The following MCEE variants were observed in gnomAD, a reference collection of about 807,000 sequenced individuals.
The protein encoded by MCEE is methylmalonyl-CoA epimerase.
In MCEE, 6 loss-of-function variants were observed where a neutral mutation model predicts 12.9. That is an observed-to-expected ratio of 0.47 (90% CI 0.26 to 0.92). MCEE has a LOEUF of 0.92. MCEE is among the 40% of genes least tolerant of loss of function. MCEE has a pLI of 0.16. For synonymous variants in MCEE, 78 were observed against 77.9 expected (o/e 1.00, Z -0.01); for missense variants, 214 against 212.1 (o/e 1.01, Z -0.05).
chr2:71,124,059 C>G (rs1011649567), intron 2 of MCEE, 147 bp downstream of exon 2: 4 of 636,204 alleles, frequency 6.3e-6, no homozygotes, highest in Non-Finnish European at 1.1e-5. Flanking sequence ...TGTAAGGATC[C>G]ACCTTTGAGG....
At chr2:71,117,656 C>T (rs1673020226) in intron 2 of MCEE, 2 of 150,222 alleles carry the variant, frequency 1.3e-5, no homozygotes, top group African/African-American at 5.0e-5. Context: ...GAAAATAAAA[C>T]TGCTATAATT....
intron 2 of MCEE, among the ~76,000 whole-genome samples, chr2:71,113,543 A>G (rs1418931489): frequency 6.6e-6 from 1 of 152,212 alleles, no homozygotes; most frequent in Non-Finnish European, 1.5e-5. Context: ...TGCCAGAAAA[A>G]GAAAGGAAGT....
rs1253978660 is a variant in MCEE at position 71,124,234 on chromosome 2, G to A, written c.350C>T (p.Ala117Val). The stretch of plus-strand genomic sequence containing the variant: ...GATGCAGATGTGATGCATTCCTCCA[G>A]CCTTGTTTTTCTGCAGAAAACCTGC... ...PIAGFLQKNK[A>V]GGMHHICIEV... The change falls in exon 2 of 3, where the codon GCT becomes GTT. Residue 117 changes from alanine (A) to valine (V), a missense_variant. Ala to Val is a moderately conservative substitution (Grantham distance 64). Coordinates refer to ENST00000244217, the MANE Select transcript of MCEE (RefSeq NM_032601.4). 6.2e-7 allele frequency: 1 copy of A among 1,613,738 alleles called. No homozygotes were observed. Among genetic ancestry groups the A allele is most frequent in the Non-Finnish European group, 8.5e-7 (1 of 1,179,678 alleles).
intron 2 of MCEE, among the ~76,000 whole-genome samples, chr2:71,121,599 C>T (rs1212815929): frequency 2.0e-5 from 3 of 152,120 alleles, no homozygotes; most frequent in Non-Finnish European, 4.4e-5. Flanking sequence ...TACTGAACTT[C>T]CACTATTCCT....
intron 2 of MCEE, among the ~76,000 whole-genome samples, chr2:71,111,532 A>T (rs1323679968): frequency 6.6e-6 from 1 of 152,078 alleles, no homozygotes; most frequent in East Asian, 1.9e-4. Flanking sequence ...GTAAGAAAAA[A>T]CTATCCCCAC....
At chr2:71,121,347 G>C (rs552723144) in intron 2 of MCEE, among the ~76,000 whole-genome samples, 24 of 152,328 alleles carry the variant, frequency 1.6e-4, no homozygotes, top group African/African-American at 5.5e-4. Flanking sequence ...TGTAAGTCAT[G>C]TGTCATGGAC....
chr2:71,119,873 G>GC (rs1446837420), intron 2 of MCEE, among the ~76,000 whole-genome samples: 1 of 147,814 alleles, frequency 6.8e-6, no homozygotes, highest in African/African-American at 2.7e-5. Flanking sequence ...GGGCAATATA[G>GC]CAAGAATTTG....
Position 71,124,282 on chromosome 2 carries a change from G to A in MCEE, c.302C>T (p.Pro101Leu). 3.1e-6 allele frequency: 5 copies of A among 1,614,184 alleles called. No homozygotes were observed. The highest frequency in any genetic ancestry group is 1.7e-6 in the Non-Finnish European group (2 of 1,180,010). The change falls in exon 2 of 3, where the codon CCA becomes CTA. Residue 101 changes from proline to leucine, a missense_variant. Transcript: ENST00000244217. Reference sequence around the variant, plus strand: ...TGCAATTGGACTGTCACGTCCCAATGGATGAAGCAGTTCCATCTTGGTATT... The same window carrying A: ...TGCAATTGGACTGTCACGTCCCAATAGATGAAGCAGTTCCATCTTGGTATT... ...LGNTKMELLH[P>L]LGRDSPIAGF...
intron 2 of MCEE, among the ~76,000 whole-genome samples, chr2:71,122,767 C>T (rs533379224): frequency 3.7e-4 from 56 of 152,284 alleles, no homozygotes; most frequent in Non-Finnish European, 6.9e-4. Flanking sequence ...CAAGCCATGT[C>T]GAGGCATAAG....
Position 71,109,775 on chromosome 2 carries a change from AAT to A in MCEE, c.*193_*194del, listed in dbSNP as rs1483417332. 1.4e-4 allele frequency: 47 copies of A among 344,706 alleles called. 1 individual carries two copies. The highest frequency in any genetic ancestry group is 6.1e-4 in the South Asian group (10 of 16,280). The allele number at this position is 344,706 out of a possible 1,614,324, so 21.4% of individuals were successfully genotyped here. ...GATTTTCTTCAAATTCAAATTAACA[AAT>A]ATGTTTGTTAATCTAAATAATATAC... On this transcript the variant is annotated 3_prime_UTR_variant, in exon 3 of 3. Transcript: ENST00000244217.
At chr2:71,112,946 TTTTC>T (rs1672919721) in intron 2 of MCEE, among the ~76,000 whole-genome samples, 1 of 152,268 alleles carries the variant, frequency 6.6e-6, no homozygotes, top group South Asian at 2.1e-4. Flanking sequence ...CTCTATTCTG[TTTTC>T]TTTTTCTTCC....
chr2:71,126,347 T>C (rs4852761), intron 1 of MCEE, among the ~76,000 whole-genome samples: 131,941 of 151,920 alleles, frequency 0.87, 57,468 homozygotes, highest in East Asian at 1. Context: ...CCTGCCTCAG[T>C]CTCCTGAATA....
intron 1 of MCEE, among the ~76,000 whole-genome samples, chr2:71,125,211 A>ATATATATATATTTTTT: frequency 4.1e-5 from 2 of 48,590 alleles, no homozygotes; most frequent in African/African-American, 6.0e-5. Flanking sequence ...ATATATATAT[A>ATATATATATATTTTTT]TTTTTTTTTT....
intron 1 of MCEE, chr2:71,129,949 G>A (rs899481803): frequency 1.6e-6 from 1 of 616,594 alleles, no homozygotes. Flanking sequence ...AGCCCAAGGC[G>A]CACAGCTCTC....
chr2:71,130,092 T>C (rs1459425472), intron 1 of MCEE, 88 bp downstream of exon 1: 9 of 1,356,170 alleles, frequency 6.6e-6, no homozygotes, highest in Non-Finnish European at 9.3e-6. Flanking sequence ...ATCAAGGTGC[T>C]TTGGCCACGC....
intron 2 of MCEE, among the ~76,000 whole-genome samples, chr2:71,115,648 A>G (rs1336651078): frequency 6.7e-6 from 1 of 150,370 alleles, no homozygotes; most frequent in Non-Finnish European, 1.5e-5. Flanking sequence ...GATTTGGGAA[A>G]TTAAATCAGT....
intron 1 of MCEE, among the ~76,000 whole-genome samples, chr2:71,128,284 C>T (rs535665234): frequency 4.9e-4 from 75 of 152,136 alleles, no homozygotes; most frequent in African/African-American, 1.7e-3. Context: ...TTTTGTTTTT[C>T]GGCGAAGTTT....
intron 2 of MCEE, among the ~76,000 whole-genome samples, chr2:71,116,207 A>G (rs1277180686): frequency 6.7e-6 from 1 of 149,488 alleles, no homozygotes; most frequent in Non-Finnish European, 1.5e-5. Context: ...CAGCCTCCCA[A>G]GTAGTAGGTG....
chr2:71,129,505 A>AAG (rs1553440873), intron 1 of MCEE, among the ~76,000 whole-genome samples: 4 of 151,874 alleles, frequency 2.6e-5, no homozygotes, highest in Non-Finnish European at 5.9e-5. Flanking sequence ...AGAAAAAAAA[A>AAG]AAGGATAAAA....
Sources: allele counts gnomAD v4.1 joint callset (sites outside exome capture counted in the v4.1 genomes callset), GRCh38; gene constraint gnomAD v4.1.1; transcripts MANE v1.5; gene names NCBI Gene and HGNC (gene_info 2026-07-23, HGNC 2026-07-21).